COBL: variants seen among roughly 807,000 people sequenced by gnomAD.
COBL encodes protein cordon-bleu.
Under a neutral mutation model 98.8 loss-of-function variants are expected in COBL, and 51 were observed. That is an observed-to-expected ratio of 0.52 (90% CI 0.41 to 0.65). The LOEUF is 0.65. Among genes scored for constraint, COBL ranks in the 30% least tolerant of loss-of-function variants. The pLI, the probability that COBL is intolerant of heterozygous loss-of-function variation, is 0.00. For missense variants in COBL, 1,617 were observed against 1,617.5 expected (o/e 1.00, Z 0.01); for synonymous variants, 634 against 651.7 (o/e 0.97, Z 0.41).
chr7:51,169,045 C>G (rs1287737979), intron 5 of COBL, among the ~76,000 whole-genome samples: 1 of 152,122 alleles, frequency 6.6e-6, no homozygotes, highest in Admixed American at 6.5e-5. Flanking sequence ...ATTACACCCT[C>G]CAGCATTAAC....
In COBL at chr7:51,161,250, C is replaced by G. The variant is rs144297548; in HGVS notation, c.783+22852G>C. Among the ~76,000 whole-genome samples the G allele has an allele frequency of 1.2e-3, 183 of 152,276 alleles. 1 individual carries two copies. In the East Asian group the frequency reaches 0.031, roughly 26 times the overall value. On this transcript the variant is annotated intron_variant, in intron 5 of 12. Coordinates refer to ENST00000265136, the MANE Select transcript of COBL (RefSeq NM_015198.5). ...GCACAGCTCCACACATGCTTTGGGC[C>G]GCATTTGCAAGTTCTCTGTAATCCC...
At chr7:51,103,417 T>G (rs144805266) in intron 6 of COBL, among the ~76,000 whole-genome samples, 325 of 152,304 alleles carry the variant, frequency 2.1e-3, no homozygotes, top group Non-Finnish European at 3.7e-3. Context: ...TAGTTTGTCA[T>G]GGCCTTGAAT....
intron 2 of COBL, among the ~76,000 whole-genome samples, chr7:51,202,996 G>A (rs937474536): frequency 1.3e-5 from 2 of 152,054 alleles, no homozygotes; most frequent in African/African-American, 2.4e-5. Context: ...ATCCGCGATC[G>A]CACCACTGCA....
At chr7:51,232,680 G>A (rs541232625) in intron 1 of COBL, among the ~76,000 whole-genome samples, 6 of 152,146 alleles carry the variant, frequency 3.9e-5, no homozygotes, top group South Asian at 2.1e-4. Flanking sequence ...GCGTGGTGGC[G>A]GGCATCTGTA....
intron 6 of COBL, among the ~76,000 whole-genome samples, chr7:51,113,766 A>G (rs570995584): frequency 6.6e-5 from 10 of 152,372 alleles, no homozygotes; most frequent in African/African-American, 2.4e-4. Context: ...TTAATGGTTT[A>G]GTTTATGAGA....
At position 51,157,851 on chromosome 7, in the gene COBL, G is replaced by C. The variant is rs114354926; in HGVS notation, c.784-21520C>G. On this transcript the variant is annotated intron_variant, in intron 5 of 12. Transcript: ENST00000265136. Reference sequence around the variant, plus strand: ...AGGTCATGGATATGGTAATTAGCTTGATTTAGCTGTTGCACAATGCACTGA... The same window carrying C: ...AGGTCATGGATATGGTAATTAGCTTCATTTAGCTGTTGCACAATGCACTGA... Among the ~76,000 whole-genome samples the C allele has an allele frequency of 2.0e-3, 299 of 152,304 alleles. 1 individual carries two copies. Among genetic ancestry groups the C allele is most frequent in the African/African-American group, 7.0e-3 (293 of 41,564 alleles).
intron 1 of COBL, among the ~76,000 whole-genome samples, chr7:51,221,530 T>C (rs911476046): frequency 3.9e-5 from 6 of 152,354 alleles, no homozygotes; most frequent in South Asian, 4.1e-4. Flanking sequence ...AAGTATATTG[T>C]TTTATGTGCA....
chr7:51,291,683 C>T (rs1204655543), intron 1 of COBL, among the ~76,000 whole-genome samples: 1 of 151,896 alleles, frequency 6.6e-6, no homozygotes, highest in Non-Finnish European at 1.5e-5. Flanking sequence ...ATCACTTGAA[C>T]CCAGGAAGTG....
In COBL at chr7:51,123,672, C is replaced by CT. The variant is rs1462686200; in HGVS notation, c.957+12485dup. Reference sequence around the variant, plus strand: ...AAGATGCATACAATTGTTTTTAAATCTTTGAGTTTTGATTCTCAACCAGCA... The same window carrying CT: ...AAGATGCATACAATTGTTTTTAAATCTTTTGAGTTTTGATTCTCAACCAGCA... On this transcript the variant is annotated intron_variant, in intron 6 of 12. Transcript: ENST00000265136. Among the ~76,000 whole-genome samples, 88 of 152,310 alleles carry CT rather than the reference C, an allele frequency of 5.8e-4. 1 individual carries two copies. The highest frequency in any genetic ancestry group is 4.8e-5 in the African/African-American group (2 of 41,578).
At chr7:51,086,897 A>G (rs1206007313) in intron 6 of COBL, among the ~76,000 whole-genome samples, 1 of 152,166 alleles carries the variant, frequency 6.6e-6, no homozygotes, top group Admixed American at 6.5e-5. Flanking sequence ...AAACATGGAC[A>G]TAACAGAAAG....
At chr7:51,054,935 G>A (rs1790591984) in intron 7 of COBL, among the ~76,000 whole-genome samples, 1 of 152,214 alleles carries the variant, frequency 6.6e-6, no homozygotes, top group Non-Finnish European at 1.5e-5. Context: ...AGCAGAGAAG[G>A]TGGTCCGCTA....
At chr7:51,036,690 C>T (rs1407411053) in intron 8 of COBL, among the ~76,000 whole-genome samples, 1 of 152,196 alleles carries the variant, frequency 6.6e-6, no homozygotes, top group Admixed American at 6.5e-5. Context: ...AGGAAATGTA[C>T]AGGCTGCCAG....
intron 5 of COBL, among the ~76,000 whole-genome samples, chr7:51,167,206 A>G (rs1308829320): frequency 6.6e-6 from 1 of 152,192 alleles, no homozygotes; most frequent in Non-Finnish European, 1.5e-5. Context: ...GGAAAAACCT[A>G]AAGTTTCACA....
chr7:51,077,591 T>C (rs145717490), intron 7 of COBL, among the ~76,000 whole-genome samples: 1,777 of 152,344 alleles, frequency 0.012, 15 homozygotes, highest in South Asian at 0.022. Context: ...AAACTAACTC[T>C]GGAAGAGACA....
At chr7:51,136,843 T>C (rs1003935220) in intron 5 of COBL, among the ~76,000 whole-genome samples, 2 of 152,172 alleles carry the variant, frequency 1.3e-5, no homozygotes, top group African/African-American at 4.8e-5. Context: ...GACAATGTGG[T>C]ATAAGCAGTA....
At chr7:51,153,082 AT>A (rs967391617) in intron 5 of COBL, among the ~76,000 whole-genome samples, 2 of 152,156 alleles carry the variant, frequency 1.3e-5, no homozygotes, top group African/African-American at 2.4e-5. Context: ...TTTACTCTGG[AT>A]TCTAATTTTG....
rs370531474 is a variant in COBL, at chr7:51,019,301, C to T, written c.3769-1733G>A. Among the ~76,000 whole-genome samples, 11 of 151,954 alleles carry T rather than the reference C, an allele frequency of 7.2e-5. No homozygotes were observed. The South Asian group carries it at 8.3e-4, about 11-fold the overall frequency. The stretch of plus-strand genomic sequence containing the variant: ...GCCTTATCAAGGAGGCACCAGGGAG[C>T]GTGTCTACCCTTCCATCACATGACA... On this transcript the variant is annotated intron_variant, in intron 12 of 12. Transcript: ENST00000265136.
At chr7:51,222,150 C>T (rs1393955653) in intron 1 of COBL, among the ~76,000 whole-genome samples, 1 of 152,088 alleles carries the variant, frequency 6.6e-6, no homozygotes, top group Non-Finnish European at 1.5e-5. Context: ...GATCGCACCA[C>T]TGCACCCCAG....
chr7:51,038,061 A>G (rs1788809366), intron 8 of COBL, among the ~76,000 whole-genome samples: 1 of 152,164 alleles, frequency 6.6e-6, no homozygotes, highest in African/African-American at 2.4e-5. Flanking sequence ...TGCGTTGGCC[A>G]GGCTGGTCTT....
Sources: allele counts gnomAD v4.1 joint callset (sites outside exome capture counted in the v4.1 genomes callset), GRCh38; gene constraint gnomAD v4.1.1; transcripts MANE v1.5; gene names NCBI Gene and HGNC (gene_info 2026-07-23, HGNC 2026-07-21).